RNF144B: variants seen among roughly 807,000 people sequenced by gnomAD.
RNF144B encodes ring finger protein 144B.
Under a neutral mutation model 40.2 loss-of-function variants are expected in RNF144B, and 25 were observed. The observed-to-expected ratio is 0.62, with a 90% CI of 0.45 to 0.87. The LOEUF is 0.87. Ranked by LOEUF, RNF144B falls within the 40% of genes least tolerant of loss-of-function variation. RNF144B has a pLI of 0.00. For synonymous variants in RNF144B, 145 were observed against 136.3 expected, an observed-to-expected ratio of 1.06 and a Z score of -0.44; for missense variants, 365 against 373.7, an observed-to-expected ratio of 0.98 and a Z score of 0.19.
At chr6:18,411,482 TATATATATATATA>T (rs1367486095) in intron 2 of RNF144B, among the ~76,000 whole-genome samples, 870 of 37,928 alleles carry the variant, frequency 0.023, 31 homozygotes, top group African/African-American at 0.053. Flanking sequence ...TATATATATA[TATATATATATATA>T]TATTTTTTTT....
At chr6:18,396,577 A>G (rs1173102532) in intron 1 of RNF144B, 5 of 985,276 alleles carry the variant, frequency 5.1e-6, no homozygotes, top group Non-Finnish European at 4.8e-6. Context: ...GGCCTGTGTC[A>G]TTACCCTTTT....
chr6:18,467,400 G>GTTTTTTTTTTTT lies in RNF144B; in HGVS notation c.*2341_*2352dup, dbSNP rs66505065. 16 of 102,280 alleles carry GTTTTTTTTTTTT rather than the reference G, an allele frequency of 1.6e-4. No individual in the cohort carries two copies. The highest frequency in any genetic ancestry group is 2.2e-4 in the Non-Finnish European group (12 of 53,406). The allele number at this position is 102,280 out of a possible 1,614,324, so 6.3% of individuals were successfully genotyped here. ...TTGTATCACTGAATTAGCTGCTTTT[G>GTTTTTTTTTTTT]TTTTTTTTTTTTTTTTTTTGCCAGG... is the stretch of plus-strand genomic sequence containing the variant. On this transcript the variant is annotated 3_prime_UTR_variant, in exon 8 of 8. Coordinates refer to ENST00000259939, the MANE Select transcript of RNF144B (RefSeq NM_182757.4).
At chr6:18,408,602 C>T (rs1794963271) in intron 2 of RNF144B, among the ~76,000 whole-genome samples, 2 of 152,116 alleles carry the variant, frequency 1.3e-5, no homozygotes, top group Admixed American at 6.5e-5. Flanking sequence ...GCTTATGGAA[C>T]AATGACTGAT....
intron 2 of RNF144B, among the ~76,000 whole-genome samples, chr6:18,421,311 C>CAT (rs1232498902): frequency 4.5e-5 from 6 of 132,672 alleles, no homozygotes; most frequent in African/African-American, 1.7e-4. Flanking sequence ...CACACACACA[C>CAT]ACACATATAT....
At chr6:18,391,071 T>TG (rs1438421276) in intron 1 of RNF144B, among the ~76,000 whole-genome samples, 1 of 152,246 alleles carries the variant, frequency 6.6e-6, no homozygotes, top group Non-Finnish European at 1.5e-5. Flanking sequence ...TATTGGCACA[T>TG]GCTTTTATTC....
rs1207292112 is a variant in RNF144B at position 18,425,340 on chromosome 6, A to G, written c.166-2241A>G. On this transcript the variant is annotated intron_variant, in intron 2 of 7. Coordinates refer to ENST00000259939, the MANE Select transcript of RNF144B (RefSeq NM_182757.4). The surrounding 1 kb of genome is among the most constrained non-coding windows in gnomAD (Gnocchi z 4.2). ...TGGGGGTCAGTGGGAAGATCAAGGC[A>G]GTAACAATGGAACAGGTGTGGCTGA... Among the ~76,000 whole-genome samples the G allele has an allele frequency of 6.6e-6, 1 of 152,188 alleles. No individual in the cohort carries two copies. Among genetic ancestry groups the G allele is most frequent in the Non-Finnish European group, 1.5e-5 (1 of 68,040 alleles).
chr6:18,390,533 TC>T (rs1794558796), intron 1 of RNF144B, among the ~76,000 whole-genome samples: 3 of 152,338 alleles, frequency 2.0e-5, no homozygotes, highest in South Asian at 4.1e-4. Flanking sequence ...AATAGACTTT[TC>T]TTATTCATAG....
chr6:18,404,603 C>A (rs1424012687), intron 2 of RNF144B, among the ~76,000 whole-genome samples: 2 of 152,116 alleles, frequency 1.3e-5, no homozygotes, highest in Admixed American at 6.5e-5. Context: ...CTGAGATACT[C>A]AGAGATTAGC....
intron 3 of RNF144B, among the ~76,000 whole-genome samples, chr6:18,437,603 T>C (rs55793117): frequency 0.1 from 15,653 of 152,244 alleles, 1,026 homozygotes; most frequent in Middle Eastern, 0.16. Flanking sequence ...TGATTTACCT[T>C]AGTAAGTCTT....
In RNF144B at chr6:18,450,688, C is replaced by T. The variant is rs375288605; in HGVS notation, c.332-6467C>T. 2.0e-5 allele frequency among the ~76,000 whole-genome samples: 3 copies of T among 152,136 alleles called. No homozygotes were observed. The highest frequency in any genetic ancestry group is 4.8e-5 in the African/African-American group (2 of 41,412). ...CACTGAACTTGGAGTTGGAAAGAGACACAATTGGTTCTCATGAGCTGGCAA... is the reference window on the plus strand; with the variant it reads ...CACTGAACTTGGAGTTGGAAAGAGATACAATTGGTTCTCATGAGCTGGCAA... On this transcript the variant is annotated intron_variant, in intron 4 of 7. Coordinates refer to ENST00000259939, the MANE Select transcript of RNF144B (RefSeq NM_182757.4). This position sits in a 1 kb window ranked among gnomAD's most constrained non-coding sequence, Gnocchi z 4.7.
chr6:18,437,363 C>G (rs369642906), intron 3 of RNF144B, among the ~76,000 whole-genome samples: 1 of 151,920 alleles, frequency 6.6e-6, no homozygotes, highest in Admixed American at 6.6e-5. Context: ...TGCTTGAGCC[C>G]GGGAGTTTAA....
rs1394238402 is a variant in RNF144B at position 18,441,137 on chromosome 6, G to A, written c.331+1393G>A. On this transcript the variant is annotated intron_variant, in intron 4 of 7. Transcript: ENST00000259939. This position sits in a 1 kb window ranked among gnomAD's most constrained non-coding sequence, Gnocchi z 4.9. ...CATCCACATGGGCCGATTAGATTGA[G>A]CATTATAACACCAGATATGATAGCT... Among the ~76,000 whole-genome samples, 1 of 152,070 alleles carries A rather than the reference G, an allele frequency of 6.6e-6. No homozygotes were observed. The highest frequency in any genetic ancestry group is 1.5e-5 in the Non-Finnish European group (1 of 68,032).
intron 3 of RNF144B, among the ~76,000 whole-genome samples, chr6:18,437,524 CA>C (rs1428773670): frequency 1.3e-5 from 2 of 152,052 alleles, no homozygotes; most frequent in East Asian, 3.9e-4. Context: ...GTCTTCATTC[CA>C]AAAGGACCAA....
At position 18,468,511 on chromosome 6, in the gene RNF144B, A is replaced by G. The variant is rs1157247053; in HGVS notation, c.*3444A>G. ...CATGTTCATTTGAATGTAAATCACC[A>G]TTTCTTGGAACCCCACGTTTTTTCT... On this transcript the variant is annotated 3_prime_UTR_variant, in exon 8 of 8. Coordinates refer to ENST00000259939, the MANE Select transcript of RNF144B (RefSeq NM_182757.4). 1.3e-5 allele frequency: 2 copies of G among 152,178 alleles called. No homozygotes were observed. Among genetic ancestry groups the G allele is most frequent in the Non-Finnish European group, 2.9e-5 (2 of 68,026 alleles). The allele number at this position is 152,178 out of a possible 1,614,324, so 9.4% of individuals were successfully genotyped here.
chr6:18,459,789 T>G lies in RNF144B; in HGVS notation c.681+38T>G. The G allele has an allele frequency of 6.3e-7, 1 of 1,580,322 alleles. No individual in the cohort carries two copies. Among genetic ancestry groups the G allele is most frequent in the Non-Finnish European group, 8.7e-7 (1 of 1,153,882 alleles). On this transcript the variant is annotated intron_variant, in intron 6 of 7. Coordinates refer to ENST00000259939, the MANE Select transcript of RNF144B (RefSeq NM_182757.4). The surrounding 1 kb of genome is among the most constrained non-coding windows in gnomAD (Gnocchi z 4.2). ...TAGGTTTGTTGTATGGTGTTTCCTA[T>G]ACTGTATCTGCACCACAGCTGATAT...
At chr6:18,429,746 T>C (rs974631167) in intron 3 of RNF144B, among the ~76,000 whole-genome samples, 1 of 152,188 alleles carries the variant, frequency 6.6e-6, no homozygotes, top group African/African-American at 2.4e-5. Flanking sequence ...TATCTTTCTA[T>C]GCATAATCCT....
chr6:18,408,912 C>G (rs1179485651), intron 2 of RNF144B, among the ~76,000 whole-genome samples: 3 of 150,566 alleles, frequency 2.0e-5, no homozygotes, highest in East Asian at 4.0e-4. Flanking sequence ...TCTGGTAATG[C>G]CTCCACCTAT....
rs922376280 is a variant in RNF144B at position 18,458,494 on chromosome 6, T to C, written c.537-1113T>C. On this transcript the variant is annotated intron_variant, in intron 5 of 7. Transcript: ENST00000259939. This position sits in a 1 kb window ranked among gnomAD's most constrained non-coding sequence, Gnocchi z 4.8. ...AGAGGAATAGAGAAGCTAATACACA[T>C]GGCAGGCATGTGCCCTCTTAGCCGG... is the stretch of plus-strand genomic sequence containing the variant. Among the ~76,000 whole-genome samples the C allele has an allele frequency of 2.0e-5, 3 of 152,194 alleles. No homozygotes were observed. Among genetic ancestry groups the C allele is most frequent in the Admixed American group, 6.5e-5 (1 of 15,282 alleles).
At chr6:18,437,384 G>A (rs72832466) in intron 3 of RNF144B, among the ~76,000 whole-genome samples, 15,626 of 152,150 alleles carry the variant, frequency 0.1, 1,025 homozygotes, top group Middle Eastern at 0.16. Flanking sequence ...GGCTACCTGA[G>A]CTATGATTGT....
Sources: gnomAD v4.1 joint callset for allele counts (sites outside exome capture counted in the v4.1 genomes callset) on GRCh38, gnomAD v4.1.1 for gene constraint, Gnocchi (gnomAD v3.1) non-coding constraint, MANE v1.5 for transcripts, NCBI Gene and HGNC (gene_info 2026-07-23, HGNC 2026-07-21) for gene names.